Variants in EML6 observed in about 807,000 individuals in gnomAD.
EML6 encodes the protein echinoderm microtubule-associated protein-like 6.
Under a neutral mutation model 240.1 loss-of-function variants are expected in EML6, and 154 were observed. The ratio of observed to expected loss-of-function variants is 0.64; its 90% CI spans 0.56 to 0.73. EML6 has a LOEUF of 0.73. Among genes scored for constraint, EML6 ranks in the 30% least tolerant of loss-of-function variants. The pLI, the probability that EML6 is intolerant of heterozygous loss-of-function variation, is 0.00. For missense variants in EML6, 2,964 were observed against 2,474.6 expected (o/e 1.20, Z -4.20); for synonymous variants, 1,148 against 899.0 (o/e 1.28, Z -4.95).
chr2:54,832,743 C>G (rs531213127), intron 7 of EML6, among the ~76,000 whole-genome samples: 3 of 141,652 alleles, frequency 2.1e-5, no homozygotes, highest in African/African-American at 7.4e-5. Context: ...GTCCTCCCCA[C>G]CCCCCCGCCA....
intron 5 of EML6, among the ~76,000 whole-genome samples, chr2:54,825,922 T>C (rs1668568557): frequency 6.6e-6 from 1 of 152,216 alleles, no homozygotes; most frequent in Non-Finnish European, 1.5e-5. Context: ...TGGCTTCATC[T>C]CATCCTGCTT....
At chr2:54,789,084 T>A (rs1309222869) in intron 2 of EML6, among the ~76,000 whole-genome samples, 1 of 152,212 alleles carries the variant, frequency 6.6e-6, no homozygotes, top group South Asian at 2.1e-4. Flanking sequence ...ATGTGTTCTG[T>A]CTCTGCTTAA....
chr2:54,929,207 G>T (rs1387504674), intron 28 of EML6, among the ~76,000 whole-genome samples: 1 of 152,186 alleles, frequency 6.6e-6, no homozygotes, highest in African/African-American at 2.4e-5. Flanking sequence ...TTCACTTGGT[G>T]TATCTTCTCT....
chr2:54,767,462 C>A (rs1668228429), intron 2 of EML6, among the ~76,000 whole-genome samples: 1 of 151,972 alleles, frequency 6.6e-6, no homozygotes, highest in Non-Finnish European at 1.5e-5. Flanking sequence ...CTTTTAGTCT[C>A]CAGTCTAAAA....
intron 22 of EML6, among the ~76,000 whole-genome samples, chr2:54,901,474 A>G (rs986051087): frequency 5.9e-5 from 9 of 152,222 alleles, no homozygotes; most frequent in Admixed American, 5.9e-4. Context: ...ATGTCAGTGA[A>G]TGGACTTTAT....
intron 8 of EML6, among the ~76,000 whole-genome samples, chr2:54,844,973 G>A (rs2103691534): frequency 6.6e-6 from 1 of 152,290 alleles, no homozygotes; most frequent in Non-Finnish European, 1.5e-5. Context: ...TATGCTCAAT[G>A]ACAAACAGGC....
At chr2:54,729,956 C>A (rs1180920421) in intron 2 of EML6, among the ~76,000 whole-genome samples, 1 of 152,024 alleles carries the variant, frequency 6.6e-6, no homozygotes, top group Non-Finnish European at 1.5e-5. Flanking sequence ...GGTGGCATGG[C>A]AAAACCCCAT....
intron 2 of EML6, among the ~76,000 whole-genome samples, chr2:54,792,071 C>T (rs1669484680): frequency 1.3e-5 from 2 of 152,098 alleles, no homozygotes; most frequent in East Asian, 1.9e-4. Flanking sequence ...TGGTTTTCTT[C>T]AGTTTTTTAA....
chr2:54,777,076 C>G (rs1475411576), intron 2 of EML6, among the ~76,000 whole-genome samples: 1 of 152,244 alleles, frequency 6.6e-6, no homozygotes, highest in African/African-American at 2.4e-5. Flanking sequence ...TTATTGCCAG[C>G]TGCAGCTTTG....
intron 10 of EML6, among the ~76,000 whole-genome samples, chr2:54,850,716 G>A (rs1443460682): frequency 1.3e-5 from 2 of 152,196 alleles, no homozygotes; most frequent in African/African-American, 4.8e-5. Context: ...CGAGAAGAGG[G>A]GAAATGGAAA....
rs182814773 is a variant in EML6 at position 54,894,924 on chromosome 2, A to G, written c.2752A>G (p.Thr918Ala). 3.9e-4 allele frequency: 607 copies of G among 1,550,816 alleles called. No homozygotes were observed. The highest frequency in any genetic ancestry group is 4.7e-4 in the Non-Finnish European group (539 of 1,146,230). The stretch of plus-strand genomic sequence containing the variant: ...ATGTGTGCCTTCACAGGGCTTTGTA[A>G]CAGGTGGAAAGGACGGCATCGTGGA... ...AMYALDKGFV[T>A]GGKDGIVELW... is the part of the protein sequence containing the mutation. Residue 918 changes from threonine to alanine, a missense_variant, in exon 20 of 42, where the codon ACA becomes GCA. By Grantham distance (58) the Thr-to-Ala change is moderately conservative (BLOSUM62 0). Coordinates refer to ENST00000356458, the MANE Select transcript of EML6 (RefSeq NM_001039753.4).
intron 28 of EML6, among the ~76,000 whole-genome samples, chr2:54,947,793 C>T (rs1675763278): frequency 6.6e-6 from 1 of 152,184 alleles, no homozygotes; most frequent in Non-Finnish European, 1.5e-5. Flanking sequence ...AGAGTTTGCC[C>T]AGAGACGCCA....
chr2:54,933,882 C>T (rs1357797366), intron 28 of EML6, among the ~76,000 whole-genome samples: 1 of 152,190 alleles, frequency 6.6e-6, no homozygotes, highest in Non-Finnish European at 1.5e-5. Context: ...TTTTCTCATC[C>T]AGGTCCAGAT....
chr2:54,902,221 T>A (rs968389286), intron 22 of EML6, among the ~76,000 whole-genome samples: 2 of 152,228 alleles, frequency 1.3e-5, no homozygotes, highest in Non-Finnish European at 2.9e-5. Context: ...ATTACCTCTT[T>A]TCTTCGAAGC....
intron 17 of EML6, among the ~76,000 whole-genome samples, chr2:54,884,234 G>C (rs960198188): frequency 2.6e-5 from 4 of 152,174 alleles, no homozygotes; most frequent in African/African-American, 4.8e-5. Flanking sequence ...TTATTACAAA[G>C]GTTATGGTTG....
chr2:54,905,931 G>A (rs1673308285), intron 24 of EML6, among the ~76,000 whole-genome samples: 1 of 152,248 alleles, frequency 6.6e-6, no homozygotes, highest in African/African-American at 2.4e-5. Context: ...TATTTGTTGA[G>A]GGGCACCTGT....
chr2:54,787,987 C>CA (rs926981808), intron 2 of EML6, among the ~76,000 whole-genome samples: 13 of 152,112 alleles, frequency 8.5e-5, no homozygotes, highest in Non-Finnish European at 1.0e-4. Context: ...CTCGCAGACC[C>CA]AAAAACCCAG....
At chr2:54,873,568 G>A (rs1369077991) in intron 16 of EML6, among the ~76,000 whole-genome samples, 1 of 151,438 alleles carries the variant, frequency 6.6e-6, no homozygotes, top group East Asian at 1.9e-4. Context: ...AAATACGATT[G>A]TATTTCAAAG....
chr2:54,881,172 A>G (rs559703647), intron 17 of EML6: 2 of 152,320 alleles, frequency 1.3e-5, no homozygotes, highest in East Asian at 3.9e-4. Context: ...GTTTCCAAGC[A>G]GGAATATCAA....
Sources: gnomAD v4.1 joint callset for allele counts (sites outside exome capture counted in the v4.1 genomes callset) on GRCh38, gnomAD v4.1.1 for gene constraint, MANE v1.5 for transcripts, NCBI Gene and HGNC (gene_info 2026-07-23, HGNC 2026-07-21) for gene names.